GFRA2: variants seen among roughly 807,000 people sequenced by gnomAD.
GFRA2 encodes the protein GDNF family receptor alpha-2.
Under a neutral mutation model 48.3 loss-of-function variants are expected in GFRA2, and 17 were observed. The ratio of observed to expected loss-of-function variants is 0.35; its 90% CI spans 0.24 to 0.53. The LOEUF is 0.53. GFRA2 is among the 20% of genes least tolerant of loss of function. GFRA2 has a pLI of 0.93. For missense variants in GFRA2, 660 were observed against 637.3 expected (o/e 1.04, Z -0.38); for synonymous variants, 305 against 257.2 (o/e 1.19, Z -1.78).
At chr8:21,796,936 T>C (rs1310244649) in intron 2 of GFRA2, among the ~76,000 whole-genome samples, 1 of 152,158 alleles carries the variant, frequency 6.6e-6, no homozygotes, top group African/African-American at 2.4e-5. Flanking sequence ...TTTGCCTCCC[T>C]TGGGCCTCCC....
rs149178432 is a variant in GFRA2, at chr8:21,710,264, G to C, written c.795-4223C>G. The stretch of plus-strand genomic sequence containing the variant: ...CGACAGAGAGCTAAGGAGACAATGA[G>C]TGAGGGCGCTTGGAATGGCAGGCGC... On this transcript the variant is annotated intron_variant, in intron 4 of 8. Transcript: ENST00000524240. 7.2e-5 allele frequency among the ~76,000 whole-genome samples: 11 copies of C among 152,358 alleles called. No individual in the cohort carries two copies. The East Asian group carries it at 2.1e-3, about 29-fold the overall frequency.
Position 21,706,004 on chromosome 8 carries a change from A to C in GFRA2, c.832T>G (p.Ser278Ala), listed in dbSNP as rs773986301. The change falls in exon 5 of 9, where the codon TCC becomes GCC. Residue 278 changes from serine (S) to alanine (A), a missense_variant. Transcript: ENST00000524240. ...GGGCAGCTGGTGACCGTCTGGTAGG[A>C]GGCTCGACAATTGGCATGGAAGTCG... Reference protein sequence around the residue: ...LADFHANCRASYQTVTSCPAD... With the variant: ...LADFHANCRAAYQTVTSCPAD... 47 of 1,579,478 alleles carry C rather than the reference A, an allele frequency of 3.0e-5. No individual in the cohort carries two copies. Among genetic ancestry groups the C allele is most frequent in the Non-Finnish European group, 4.0e-5 (46 of 1,162,454 alleles).
At chr8:21,721,473 A>G (rs998698770) in intron 4 of GFRA2, among the ~76,000 whole-genome samples, 1 of 152,184 alleles carries the variant, frequency 6.6e-6, no homozygotes, top group Non-Finnish European at 1.5e-5. Context: ...TAGAGTGTCC[A>G]TTCTCAAACA....
At chr8:21,797,287 CTTTTT>C (rs1159867192) in intron 2 of GFRA2, among the ~76,000 whole-genome samples, 38 of 85,638 alleles carry the variant, frequency 4.4e-4, no homozygotes, top group Admixed American at 4.3e-3. Context: ...CCTTTCTTTG[CTTTTT>C]TTTTTTTTTT....
At chr8:21,766,145 G>C (rs1329294432) in intron 3 of GFRA2, among the ~76,000 whole-genome samples, 2 of 152,002 alleles carry the variant, frequency 1.3e-5, no homozygotes, top group African/African-American at 2.4e-5. Flanking sequence ...CACCCTCCAC[G>C]TGCAGGACCC....
intron 7 of GFRA2, among the ~76,000 whole-genome samples, chr8:21,700,910 C>T (rs575968906): frequency 2.2e-4 from 34 of 152,200 alleles, no homozygotes; most frequent in South Asian, 4.2e-4. Context: ...TAACACCCTA[C>T]GACCCCACAA....
chr8:21,738,331 G>C (rs1381285925), intron 4 of GFRA2, among the ~76,000 whole-genome samples: 1 of 150,932 alleles, frequency 6.6e-6, no homozygotes, highest in African/African-American at 2.4e-5. Flanking sequence ...TCTGCATCCA[G>C]TGAGGCCCTG....
At chr8:21,699,021 T>C (rs1802343232) in intron 7 of GFRA2, among the ~76,000 whole-genome samples, 1 of 152,130 alleles carries the variant, frequency 6.6e-6, no homozygotes, top group African/African-American at 2.4e-5. Context: ...CCTCTACCAG[T>C]CCCGCACGCA....
intron 4 of GFRA2, among the ~76,000 whole-genome samples, chr8:21,712,872 C>T (rs149824217): frequency 0.071 from 10,806 of 152,120 alleles, 735 homozygotes; most frequent in African/African-American, 0.18. Flanking sequence ...TCAGGCGTGG[C>T]GGTGCACGCC....
intron 4 of GFRA2, among the ~76,000 whole-genome samples, chr8:21,712,868 G>T (rs1032074620): frequency 2.3e-4 from 35 of 151,626 alleles, no homozygotes; most frequent in African/African-American, 6.8e-4. Context: ...CCAGTCAGGC[G>T]TGGCGGTGCA....
At chr8:21,801,926 CT>C (rs1344249973) in intron 2 of GFRA2, among the ~76,000 whole-genome samples, 4 of 152,218 alleles carry the variant, frequency 2.6e-5, no homozygotes, top group African/African-American at 9.6e-5. Flanking sequence ...GAAAGGCATC[CT>C]TTCTGTCCTG....
intron 4 of GFRA2, among the ~76,000 whole-genome samples, chr8:21,732,247 A>C: frequency 6.6e-6 from 1 of 152,216 alleles, no homozygotes; most frequent in East Asian, 1.9e-4. Flanking sequence ...CAGGACTTTG[A>C]GGTCAGGAAG....
In GFRA2 at chr8:21,767,117, T is replaced by C. The variant is rs1287730248; in HGVS notation, c.439+7855A>G. On this transcript the variant is annotated intron_variant, in intron 3 of 8. Coordinates refer to ENST00000524240, the MANE Select transcript of GFRA2 (RefSeq NM_001495.5). ...CCCACACACACCACCATACATCACA[T>C]ACACACACACCACCTCACACCACCA... Among the ~76,000 whole-genome samples the C allele has an allele frequency of 2.2e-5, 3 of 136,674 alleles. No individual in the cohort carries two copies. In the East Asian group the frequency reaches 6.8e-4, roughly 31 times the overall value. 89.7% of individuals were successfully genotyped at this position (136,674 alleles called of 152,430 possible). A position where few individuals can be genotyped will look rare whatever the true frequency, so the allele number is the denominator to read the frequency against.
At chr8:21,710,457 G>C (rs555763869) in intron 4 of GFRA2, among the ~76,000 whole-genome samples, 1 of 151,920 alleles carries the variant, frequency 6.6e-6, no homozygotes, top group Non-Finnish European at 1.5e-5. Flanking sequence ...GCAAGTGAGC[G>C]CATCAAGGAG....
rs1807064859 is a variant in GFRA2, at chr8:21,782,601, G to A, written c.339C>T (p.His113=). The A allele has an allele frequency of 6.3e-7, 1 of 1,581,132 alleles. No individual in the cohort carries two copies. Among genetic ancestry groups the A allele is most frequent in the East Asian group, 2.3e-5 (1 of 42,720 alleles). ...LQCLQIYWSI[H]LGLTEGEEFY... is the part of the protein sequence containing the mutation. ...CAGGCTTACCCTCGGTCAGCCCCAGGTGGATGCTCCAGTAGATCTGCAGAC... is the reference window on the plus strand; with the variant it reads ...CAGGCTTACCCTCGGTCAGCCCCAGATGGATGCTCCAGTAGATCTGCAGAC... The change falls in exon 2 of 9, where the codon CAC becomes CAT. Residue 113 remains histidine (H), a synonymous_variant. Transcript: ENST00000524240.
At chr8:21,790,360 C>G (rs938890951), upstream of GFRA2, among the ~76,000 whole-genome samples, 1 of 152,158 alleles carries the variant, frequency 6.6e-6, no homozygotes, top group African/African-American at 2.4e-5. Context: ...CTGGGCTGCA[C>G]GTAACATGAA....
chr8:21,763,422 CCT>C (rs1806004962), intron 3 of GFRA2, among the ~76,000 whole-genome samples: 1 of 152,052 alleles, frequency 6.6e-6, no homozygotes, highest in Non-Finnish European at 1.5e-5. Context: ...CTGCCATTCC[CCT>C]CTCTCAGGAA....
intron 3 of GFRA2, among the ~76,000 whole-genome samples, chr8:21,757,015 T>C (rs1805602585): frequency 6.6e-6 from 1 of 152,146 alleles, no homozygotes; most frequent in African/African-American, 2.4e-5. Flanking sequence ...CACTTGGCCT[T>C]CTCCAAAACC....
chr8:21,721,539 G>A (rs1467624768), intron 4 of GFRA2, among the ~76,000 whole-genome samples: 4 of 152,166 alleles, frequency 2.6e-5, no homozygotes, highest in Admixed American at 6.5e-5. Context: ...CAAAACGCCC[G>A]CTGCACCTCT....
Sources: gnomAD v4.1 joint callset for allele counts (sites outside exome capture counted in the v4.1 genomes callset) on GRCh38, gnomAD v4.1.1 for gene constraint, MANE v1.5 for transcripts, NCBI Gene and HGNC (gene_info 2026-07-23, HGNC 2026-07-21) for gene names.